The following GADL1 variants were observed in gnomAD, a reference collection of about 807,000 sequenced individuals.
The protein encoded by GADL1 is acidic amino acid decarboxylase GADL1.
Under a neutral mutation model 69.5 loss-of-function variants are expected in GADL1, and 71 were observed. That is an observed-to-expected ratio of 1.02 (90% CI 0.84 to 1.25). The LOEUF is 1.25. Ranked by LOEUF, GADL1 falls within the 50% of genes most tolerant of loss-of-function variation. GADL1 has a pLI of 0.00. For missense variants in GADL1, 737 were observed against 631.8 expected, an observed-to-expected ratio of 1.17 and a Z score of -1.79; for synonymous variants, 254 against 214.4, an observed-to-expected ratio of 1.18 and a Z score of -1.62.
intron 12 of GADL1, chr3:30,798,555 C>T (rs575678039): frequency 6.6e-6 from 1 of 152,266 alleles, no homozygotes; most frequent in East Asian, 1.9e-4. Context: ...GAGTAGAATT[C>T]AAGATGAGAT....
chr3:30,848,846 T>G (rs1220166866), intron 6 of GADL1, among the ~76,000 whole-genome samples: 1 of 152,226 alleles, frequency 6.6e-6, no homozygotes, highest in African/African-American at 2.4e-5. Context: ...AATCAGCAAC[T>G]ACTGCGTGGT....
At chr3:30,869,691 G>A (rs1012427756) in intron 1 of GADL1, among the ~76,000 whole-genome samples, 9 of 151,522 alleles carry the variant, frequency 5.9e-5, no homozygotes, top group Non-Finnish European at 1.3e-4. Context: ...TCTCATCTTG[G>A]GGTCAAATTC....
chr3:30,838,139 A>G (rs1433730935), intron 9 of GADL1, among the ~76,000 whole-genome samples: 5 of 152,136 alleles, frequency 3.3e-5, no homozygotes, highest in African/African-American at 1.2e-4. Flanking sequence ...TTCTTCTGCC[A>G]AGGAGGATCT....
intron 1 of GADL1, among the ~76,000 whole-genome samples, chr3:30,883,928 A>T (rs555101076): frequency 6.1e-4 from 93 of 152,142 alleles, no homozygotes; most frequent in African/African-American, 2.1e-3. Flanking sequence ...AATTTTAATT[A>T]CTTGGCTTTT....
chr3:30,877,977 G>C (rs1283805719), intron 1 of GADL1, among the ~76,000 whole-genome samples: 1 of 151,850 alleles, frequency 6.6e-6, no homozygotes, highest in Non-Finnish European at 1.5e-5. Flanking sequence ...CTCAGATGCT[G>C]GTAGAAACAC....
intron 1 of GADL1, among the ~76,000 whole-genome samples, chr3:30,880,005 G>C (rs891185167): frequency 2.0e-5 from 3 of 148,414 alleles, no homozygotes; most frequent in Non-Finnish European, 4.4e-5. Context: ...ATCTTTCACA[G>C]CCAGACACTG....
chr3:30,860,980 T>C (rs748928760), intron 2 of GADL1, among the ~76,000 whole-genome samples: 1 of 151,900 alleles, frequency 6.6e-6, no homozygotes, highest in African/African-American at 2.4e-5. Flanking sequence ...CCTTAGAACA[T>C]AGTAAGTATT....
intron 13 of GADL1, among the ~76,000 whole-genome samples, chr3:30,784,734 A>G (rs1028648917): frequency 2.6e-5 from 4 of 152,156 alleles, no homozygotes; most frequent in African/African-American, 9.7e-5. Flanking sequence ...CATGACATCA[A>G]GAATAATCTT....
At position 30,727,081 on chromosome 3, in the gene GADL1, T is replaced by A. The variant is rs760166857; in HGVS notation, c.*1161A>T. 1.3e-4 allele frequency: 19 copies of A among 150,894 alleles called. No individual in the cohort carries two copies. The highest frequency in any genetic ancestry group is 6.0e-4 in the Admixed American group (9 of 15,072). 9.3% of individuals were successfully genotyped at this position (150,894 alleles called of 1,614,324 possible). On this transcript the variant is annotated 3_prime_UTR_variant, in exon 15 of 15. Coordinates refer to ENST00000282538, the MANE Select transcript of GADL1 (RefSeq NM_207359.3). ...AAAGAGGAACACAGAAACATATATG[T>A]GTGTATATATATATATACTATACAC...
intron 1 of GADL1, among the ~76,000 whole-genome samples, chr3:30,867,310 A>C (rs975573752): frequency 8.6e-5 from 13 of 151,518 alleles, no homozygotes; most frequent in Non-Finnish European, 1.5e-5. Context: ...GTCCTTCCAA[A>C]ACTTCAAATC....
intron 14 of GADL1, among the ~76,000 whole-genome samples, chr3:30,759,844 G>T (rs1362214229): frequency 6.6e-6 from 1 of 152,106 alleles, no homozygotes; most frequent in Non-Finnish European, 1.5e-5. Context: ...ATTCACTATG[G>T]CCAAGCTAAT....
intron 14 of GADL1, among the ~76,000 whole-genome samples, chr3:30,754,979 G>T (rs1040580093): frequency 1.1e-4 from 17 of 152,142 alleles, no homozygotes; most frequent in Non-Finnish European, 2.1e-4. Flanking sequence ...AGACCAAAAC[G>T]GGGGAGCACT....
At chr3:30,801,115 T>A in intron 11 of GADL1, 27 bp from the exon 12 acceptor site, 1 of 1,550,764 alleles carries the variant, frequency 6.4e-7, no homozygotes, top group Non-Finnish European at 8.9e-7. Context: ...ATTACAAGAC[T>A]GTTAAACTTT....
chr3:30,821,533 TATC>T (rs1697580540), intron 11 of GADL1, among the ~76,000 whole-genome samples: 2 of 125,158 alleles, frequency 1.6e-5, no homozygotes, highest in Non-Finnish European at 3.1e-5. Flanking sequence ...ATTTGAAATT[TATC>T]ATAAGAAGTT....
chr3:30,789,725 C>T (rs1559500426), intron 12 of GADL1, among the ~76,000 whole-genome samples: 2 of 152,152 alleles, frequency 1.3e-5, no homozygotes. Flanking sequence ...CTTCAACTTG[C>T]ACTTTTATGT....
Position 30,756,604 on chromosome 3 carries a change from C to T in GADL1, c.1392+21575G>A, listed in dbSNP as rs1218025368. Among the ~76,000 whole-genome samples the T allele has an allele frequency of 2.0e-5, 3 of 152,296 alleles. No individual in the cohort carries two copies. The East Asian group carries it at 5.8e-4, about 29-fold the overall frequency. ...TCGTGTGCTAAATTCTGACCCAAGG[C>T]CTCAAGGTAACTTCCTTTGCAAATA... On this transcript the variant is annotated intron_variant, in intron 14 of 14. Coordinates refer to ENST00000282538, the MANE Select transcript of GADL1 (RefSeq NM_207359.3).
chr3:30,732,562 T>C (rs1415701366), intron 14 of GADL1, among the ~76,000 whole-genome samples: 1 of 152,128 alleles, frequency 6.6e-6, no homozygotes, highest in Admixed American at 6.5e-5. Context: ...GGATTTGATA[T>C]TTAAAAGTTG....
chr3:30,766,416 G>A (rs551245658), intron 14 of GADL1, among the ~76,000 whole-genome samples: 35 of 152,272 alleles, frequency 2.3e-4, no homozygotes, highest in African/African-American at 8.4e-4. Flanking sequence ...ATTTTTAGTA[G>A]TTTCTGGAAA....
chr3:30,828,984 TGA>T (rs963474215), intron 11 of GADL1, among the ~76,000 whole-genome samples: 13 of 151,952 alleles, frequency 8.6e-5, no homozygotes, highest in African/African-American at 2.7e-4. Flanking sequence ...TCATACCTGT[TGA>T]GTTTTTTTTA....
Sources: allele counts gnomAD v4.1 joint callset (sites outside exome capture counted in the v4.1 genomes callset), GRCh38; gene constraint gnomAD v4.1.1; transcripts MANE v1.5; gene names NCBI Gene and HGNC (gene_info 2026-07-23, HGNC 2026-07-21).